Variants in CADM2 observed in about 807,000 individuals in gnomAD.
CADM2 encodes cell adhesion molecule 2.
In CADM2, 12 loss-of-function variants were observed where a neutral mutation model predicts 49.8. The ratio of observed to expected loss-of-function variants is 0.24; its 90% CI spans 0.15 to 0.39. The LOEUF (loss-of-function observed/expected upper bound fraction) is 0.39, where lower values mean the gene tolerates loss of function less well. Among genes scored for constraint, CADM2 ranks in the 10% least tolerant of loss-of-function variants. The pLI is 1.00. For synonymous variants in CADM2, 214 were observed against 175.4 expected, an observed-to-expected ratio of 1.22 and a Z score of -1.74; for missense variants, 378 against 492.3, an observed-to-expected ratio of 0.77 and a Z score of 2.20.
At chr3:85,579,865 GTGTA>G (rs994545986) in intron 1 of CADM2, among the ~76,000 whole-genome samples, 14 of 152,178 alleles carry the variant, frequency 9.2e-5, no homozygotes, top group African/African-American at 3.1e-4. Flanking sequence ...ATATGTTTGT[GTGTA>G]TGTGCATCTG....
chr3:85,344,435 T>C (rs1181305665), intron 1 of CADM2, among the ~76,000 whole-genome samples: 1 of 151,154 alleles, frequency 6.6e-6, no homozygotes, highest in African/African-American at 2.4e-5. Context: ...ATTATATGGA[T>C]AGTCAAACAA....
intron 1 of CADM2, among the ~76,000 whole-genome samples, chr3:85,510,841 T>G (rs2106836122): frequency 6.6e-6 from 1 of 152,116 alleles, no homozygotes; most frequent in Middle Eastern, 3.4e-3. Context: ...ATTAAAAGGA[T>G]AAATATAATT....
At chr3:84,997,788 T>C (rs2033256030) in intron 1 of CADM2, among the ~76,000 whole-genome samples, 2 of 152,032 alleles carry the variant, frequency 1.3e-5, no homozygotes, top group Admixed American at 1.3e-4. Context: ...TAAGAATGAA[T>C]TGGGTGATTA....
chr3:85,578,811 G>C (rs775466478), intron 1 of CADM2, among the ~76,000 whole-genome samples: 3 of 152,036 alleles, frequency 2.0e-5, no homozygotes, highest in Non-Finnish European at 4.4e-5. Context: ...AATTTCTGTT[G>C]CTATTGATAT....
chr3:86,052,017 G>T (rs952311937), intron 8 of CADM2, among the ~76,000 whole-genome samples: 5 of 152,102 alleles, frequency 3.3e-5, no homozygotes, highest in African/African-American at 1.2e-4. Flanking sequence ...TTGTAAGACA[G>T]TTCGAACCCT....
At chr3:86,011,915 T>C (rs909470901) in intron 8 of CADM2, among the ~76,000 whole-genome samples, 28 of 151,052 alleles carry the variant, frequency 1.9e-4, no homozygotes, top group Admixed American at 1.7e-3. Flanking sequence ...TAATGTTGTA[T>C]AAACTTTAGA....
chr3:85,492,841 A>C (rs2039733656), intron 1 of CADM2, among the ~76,000 whole-genome samples: 1 of 152,174 alleles, frequency 6.6e-6, no homozygotes, highest in Admixed American at 6.5e-5. Flanking sequence ...TAAAGGTGTC[A>C]TCTGAGCACA....
intron 1 of CADM2, among the ~76,000 whole-genome samples, chr3:85,435,771 T>C (rs2107531156): frequency 6.6e-6 from 1 of 152,304 alleles, no homozygotes; most frequent in East Asian, 1.9e-4. Context: ...TGACCAGTGA[T>C]GATGAGCTTT....
intron 2 of CADM2, among the ~76,000 whole-genome samples, chr3:85,753,064 T>C (rs551848400): frequency 5.9e-5 from 9 of 152,132 alleles, no homozygotes; most frequent in Non-Finnish European, 1.2e-4. Flanking sequence ...CTTTCTATGA[T>C]TGATGATATC....
At chr3:85,017,976 C>T (rs1230541818) in intron 1 of CADM2, among the ~76,000 whole-genome samples, 2 of 152,092 alleles carry the variant, frequency 1.3e-5, no homozygotes, top group African/African-American at 4.8e-5. Context: ...ATGAATGTTC[C>T]CAGAATGGCC....
At chr3:85,020,118 C>T (rs1244700725) in intron 1 of CADM2, among the ~76,000 whole-genome samples, 1 of 151,994 alleles carries the variant, frequency 6.6e-6, no homozygotes, top group Non-Finnish European at 1.5e-5. Flanking sequence ...AATTTATTTT[C>T]TGGGGCAGTT....
intron 1 of CADM2, among the ~76,000 whole-genome samples, chr3:84,995,197 C>T (rs897171169): frequency 6.6e-6 from 1 of 152,024 alleles, no homozygotes; most frequent in South Asian, 2.1e-4. Flanking sequence ...AGTCACATTC[C>T]AAAACAGTGT....
At chr3:85,729,821 T>C (rs2067855656) in intron 2 of CADM2, among the ~76,000 whole-genome samples, 1 of 152,190 alleles carries the variant, frequency 6.6e-6, no homozygotes, top group South Asian at 2.1e-4. Context: ...ATGTTTTCTT[T>C]CTAAGGGTTT....
At chr3:85,423,224 C>A (rs534552709) in intron 1 of CADM2, among the ~76,000 whole-genome samples, 1 of 152,210 alleles carries the variant, frequency 6.6e-6, no homozygotes, top group East Asian at 1.9e-4. Context: ...TTCTCCTGTG[C>A]CACTCTACCA....
chr3:85,620,107 A>G (rs2063927198), intron 1 of CADM2, among the ~76,000 whole-genome samples: 1 of 152,142 alleles, frequency 6.6e-6, no homozygotes, highest in Non-Finnish European at 1.5e-5. Context: ...ATAGCCCAAT[A>G]TTCTCTCTTT....
chr3:85,531,581 C>T (rs1362118175), intron 1 of CADM2, among the ~76,000 whole-genome samples: 1 of 152,140 alleles, frequency 6.6e-6, no homozygotes, highest in Non-Finnish European at 1.5e-5. Context: ...CACCAACATT[C>T]CTCCTGTGTT....
chr3:85,311,261 GT>G (rs1230780546), intron 1 of CADM2, among the ~76,000 whole-genome samples: 1 of 151,890 alleles, frequency 6.6e-6, no homozygotes, highest in East Asian at 1.9e-4. Context: ...AAAGCATGCT[GT>G]TTTGCTTTTT....
chr3:85,472,717 C>G (rs2038820291), intron 1 of CADM2, among the ~76,000 whole-genome samples: 1 of 151,962 alleles, frequency 6.6e-6, no homozygotes, highest in African/African-American at 2.4e-5. Flanking sequence ...TCCATTGGCT[C>G]TGCATACGTC....
At chr3:85,495,489 A>C (rs950933793) in intron 1 of CADM2, among the ~76,000 whole-genome samples, 19 of 152,196 alleles carry the variant, frequency 1.2e-4, no homozygotes, top group Non-Finnish European at 2.4e-4. Context: ...TAAAATTATC[A>C]ATTTTGATTA....
Sources: gnomAD v4.1 joint callset for allele counts (sites outside exome capture counted in the v4.1 genomes callset) on GRCh38, gnomAD v4.1.1 for gene constraint, MANE v1.5 for transcripts, NCBI Gene and HGNC (gene_info 2026-07-23, HGNC 2026-07-21) for gene names.